PDE8B: variants seen among roughly 807,000 people sequenced by gnomAD.
The protein encoded by PDE8B is phosphodiesterase 8B.
In PDE8B, 26 loss-of-function variants were observed where a neutral mutation model predicts 101.3. The ratio of observed to expected loss-of-function variants is 0.26; its 90% CI spans 0.19 to 0.36. The LOEUF is 0.36. Among genes scored for constraint, PDE8B ranks in the 10% least tolerant of loss-of-function variants. PDE8B has a pLI of 1.00. For synonymous variants in PDE8B, 424 were observed against 429.3 expected, an observed-to-expected ratio of 0.99 and a Z score of 0.15; for missense variants, 810 against 1,163.1, an observed-to-expected ratio of 0.70 and a Z score of 4.42.
chr5:77,289,525 A>G (rs1003971027), intron 1 of PDE8B, among the ~76,000 whole-genome samples: 17 of 152,222 alleles, frequency 1.1e-4, no homozygotes, highest in Non-Finnish European at 1.2e-4. Context: ...CCAGGAGGAA[A>G]GAATGGGGCA....
In PDE8B at chr5:77,290,511, C is replaced by T. The variant is rs117055199; in HGVS notation, c.340-21483C>T. On this transcript the variant is annotated intron_variant, in intron 1 of 21. Transcript: ENST00000264917. ...CTGGGCAGATATTCCTGCTCCAAAA[C>T]GAGGAGAAATAGTAAGACAGATTGA... 1,745 of 1,469,106 alleles carry T rather than the reference C, an allele frequency of 1.2e-3. 35 individuals are homozygous for T. In the East Asian group the frequency reaches 0.032, roughly 27 times the overall value. 91.0% of individuals were successfully genotyped at this position (1,469,106 alleles called of 1,614,324 possible).
chr5:77,322,523 C>T (rs1775293289), intron 2 of PDE8B, among the ~76,000 whole-genome samples: 1 of 152,170 alleles, frequency 6.6e-6, no homozygotes, highest in Admixed American at 6.5e-5. Context: ...TTTGCCCTCA[C>T]ACCCTCCCTT....
At position 77,397,026 on chromosome 5, in the gene PDE8B, A is replaced by ATTTTTTTT. The variant is rs71606290; in HGVS notation, c.1168-3205_1168-3198dup. ...TTGGTTTCTATATTTCCGATAAGAA[A>ATTTTTTTT]TTTTTTTTTTTTTTTTTTTTTTTTG... On this transcript the variant is annotated intron_variant, in intron 10 of 21. Transcript: ENST00000264917. Among the ~76,000 whole-genome samples the ATTTTTTTT allele has an allele frequency of 5.8e-3, 487 of 84,382 alleles. 54 individuals carry two copies. The highest frequency in any genetic ancestry group is 0.017 in the African/African-American group (316 of 18,212). 55.4% of individuals were successfully genotyped at this position (84,382 alleles called of 152,430 possible).
intron 10 of PDE8B, among the ~76,000 whole-genome samples, chr5:77,377,339 G>A (rs1429980890): frequency 5.3e-5 from 8 of 152,198 alleles, no homozygotes; most frequent in African/African-American, 1.2e-4. Context: ...GGATGGCACC[G>A]GACCTGCAGC....
chr5:77,135,221 C>T, the PDE8B span, among the ~76,000 whole-genome samples: 1 of 152,200 alleles, frequency 6.6e-6, no homozygotes, highest in Non-Finnish European at 1.5e-5. Context: ...TTTCTTTCCT[C>T]TCTTCTTTCC....
At chr5:77,352,645 AAGAG>A (rs138915750) in intron 9 of PDE8B, among the ~76,000 whole-genome samples, 2 of 151,922 alleles carry the variant, frequency 1.3e-5, no homozygotes, top group South Asian at 2.1e-4. Context: ...GAACCAGGTA[AAGAG>A]AGAGAGAGAG....
intron 1 of PDE8B, among the ~76,000 whole-genome samples, chr5:77,224,984 A>G (rs578126096): frequency 6.6e-6 from 1 of 152,010 alleles, no homozygotes; most frequent in East Asian, 1.9e-4. Flanking sequence ...GGGGAAGACT[A>G]CTTTATAGGT....
At chr5:77,160,027 T>C in the PDE8B span, among the ~76,000 whole-genome samples, 1 of 152,218 alleles carries the variant, frequency 6.6e-6, no homozygotes, top group Non-Finnish European at 1.5e-5. Flanking sequence ...CATAAACCTA[T>C]GGATCTTTGC....
the PDE8B span, chr5:77,118,773 C>A: frequency 2.4e-5 from 4 of 169,182 alleles, no homozygotes; most frequent in Non-Finnish European, 5.0e-5. Context: ...TGTGGAAGCA[C>A]ACCTATTAAC....
At chr5:77,110,229 G>A in the PDE8B span, among the ~76,000 whole-genome samples, 4 of 151,936 alleles carry the variant, frequency 2.6e-5, no homozygotes, top group East Asian at 1.9e-4. Context: ...GTGAGCCACC[G>A]TGTCCGGCCT....
chr5:77,173,435 G>A, the PDE8B span, among the ~76,000 whole-genome samples: 1 of 151,962 alleles, frequency 6.6e-6, no homozygotes. Context: ...TTAAATATTG[G>A]CAATTTTGTT....
chr5:77,308,332 G>A (rs981174580), intron 1 of PDE8B, among the ~76,000 whole-genome samples: 3 of 152,186 alleles, frequency 2.0e-5, no homozygotes, highest in African/African-American at 7.2e-5. Flanking sequence ...GTAAACTGAG[G>A]CACCCACGCC....
the PDE8B span, among the ~76,000 whole-genome samples, chr5:77,160,302 T>C: frequency 6.6e-6 from 1 of 152,162 alleles, no homozygotes; most frequent in African/African-American, 2.4e-5. Flanking sequence ...GCATTGGGGA[T>C]TGGTTCCAGG....
chr5:77,148,825 G>A, the PDE8B span, among the ~76,000 whole-genome samples: 1 of 152,038 alleles, frequency 6.6e-6, no homozygotes, highest in Non-Finnish European at 1.5e-5. Flanking sequence ...CCTAGAGCTT[G>A]TTTTTCAACA....
chr5:77,424,820 T>TTG (rs1303848273), intron 20 of PDE8B, among the ~76,000 whole-genome samples: 6 of 82,374 alleles, frequency 7.3e-5, no homozygotes, highest in African/African-American at 2.3e-4. Flanking sequence ...TGTTTTTTTG[T>TTG]TTTTTGTTTT....
the PDE8B span, among the ~76,000 whole-genome samples, chr5:77,150,058 T>G: frequency 6.6e-6 from 1 of 152,202 alleles, no homozygotes; most frequent in East Asian, 1.9e-4. Context: ...GAGCTTATGA[T>G]GCACTGAGCC....
chr5:77,143,422 G>A, the PDE8B span, among the ~76,000 whole-genome samples: 1 of 152,146 alleles, frequency 6.6e-6, no homozygotes, highest in Non-Finnish European at 1.5e-5. Flanking sequence ...TCTTACATGT[G>A]TAGATCTTTG....
At chr5:77,312,096 T>G (rs1362791095) in intron 2 of PDE8B, 43 bp downstream of exon 2, 4 of 1,272,640 alleles carry the variant, frequency 3.1e-6, no homozygotes, top group African/African-American at 2.1e-5. Flanking sequence ...ATTATTTTCT[T>G]TTTTTTTTCT....
chr5:77,117,778 T>TA, the PDE8B span, among the ~76,000 whole-genome samples: 1 of 152,202 alleles, frequency 6.6e-6, no homozygotes, highest in African/African-American at 2.4e-5. Context: ...ATAAATCACA[T>TA]ACTGTCTTGT....
Sources: gnomAD v4.1 joint callset for allele counts (sites outside exome capture counted in the v4.1 genomes callset) on GRCh38, gnomAD v4.1.1 for gene constraint, MANE v1.5 for transcripts, NCBI Gene and HGNC (gene_info 2026-07-23, HGNC 2026-07-21) for gene names.